DNM1: variants seen among roughly 807,000 people sequenced by gnomAD.
DNM1 encodes dynamin 1.
A neutral mutation model predicts 104.6 loss-of-function variants in DNM1; 29 were observed. That is an observed-to-expected ratio of 0.28 (90% CI 0.21 to 0.38). The LOEUF is 0.38. Among genes scored for constraint, DNM1 ranks in the 10% least tolerant of loss-of-function variants. DNM1 has a pLI of 1.00. For missense variants in DNM1, 640 were observed against 1,189.4 expected (o/e 0.54, Z 6.79); for synonymous variants, 445 against 475.8 (o/e 0.94, Z 0.84).
At chr9:128,212,191 C>T (rs530748494) in intron 1 of DNM1, among the ~76,000 whole-genome samples, 2 of 152,334 alleles carry the variant, frequency 1.3e-5, no homozygotes, top group East Asian at 3.9e-4. Flanking sequence ...ATTCCCTCAG[C>T]AGCCCTAGGA....
rs111939867 is a variant in DNM1 at position 128,213,402 on chromosome 9, T to C, written c.162-4829T>C. On this transcript the variant is annotated intron_variant, in intron 1 of 21. Transcript: ENST00000372923. The stretch of plus-strand genomic sequence containing the variant: ...TTGTCATTTTCTGAATCTTTTAAAA[T>C]GGAGAACACATGATTTTAAAAATTA... 1.9e-3 allele frequency among the ~76,000 whole-genome samples: 277 copies of C among 146,092 alleles called. 1 individual carries two copies. The highest frequency in any genetic ancestry group is 6.7e-3 in the African/African-American group (264 of 39,210).
In DNM1 at chr9:128,248,508, G is replaced by A. The variant is rs1829307185; in HGVS notation, c.1906-75G>A. 2.6e-6 allele frequency: 4 copies of A among 1,555,502 alleles called. No homozygotes were observed. In the South Asian group the frequency reaches 3.5e-5, roughly 14 times the overall value. ...TCAATATTCTGGGTACCCTTGGAGG[G>A]GCTGAGATCCTGGGGATGCCTGGAG... On this transcript the variant is annotated intron_variant, in intron 18 of 21. Transcript: ENST00000372923. The surrounding 1 kb of genome is among the most constrained non-coding windows in gnomAD (Gnocchi z 5.6).
Position 128,233,814 on chromosome 9 carries a change from C to T in DNM1, c.1336-207C>T, listed in dbSNP as rs1207548775. The T allele has an allele frequency of 1.4e-5, 8 of 586,874 alleles. No homozygotes were observed. In the Admixed American group the frequency reaches 1.8e-4, roughly 13 times the overall value. 36.4% of individuals were successfully genotyped at this position (586,874 alleles called of 1,614,324 possible). A position where few individuals can be genotyped will look rare whatever the true frequency, so the allele number is the denominator to read the frequency against. On this transcript the variant is annotated intron_variant, in intron 10 of 21. Coordinates refer to ENST00000372923, the MANE Select transcript of DNM1 (RefSeq NM_004408.4). ...CGGAACCAGGAAGACCCTTGAATCA[C>T]CATTTGGAACCCACACTTGGGGGAA...
At chr9:128,212,383 G>A (rs903064157) in intron 1 of DNM1, among the ~76,000 whole-genome samples, 2 of 152,190 alleles carry the variant, frequency 1.3e-5, no homozygotes, top group African/African-American at 4.8e-5. Flanking sequence ...ATTGAGGTGG[G>A]AGGACTGCTT....
At chr9:128,223,172 G>A (rs1004365121) in intron 9 of DNM1, 18 of 392,606 alleles carry the variant, frequency 4.6e-5, no homozygotes, top group Non-Finnish European at 7.6e-5. Flanking sequence ...CCAGGTAACC[G>A]GACAAAGATG....
At position 128,218,379 on chromosome 9, in the gene DNM1, CT is replaced by C. The variant is rs1407437470; in HGVS notation, c.235+76del. ...CCCCGTCCCCAAGCTGAGGGCCAGC[CT>C]GGCCACGAACTTGCTTGCTGTGTGA... On this transcript the variant is annotated intron_variant, in intron 2 of 21. Transcript: ENST00000372923. This position sits in a 1 kb window ranked among gnomAD's most constrained non-coding sequence, Gnocchi z 4.8. The C allele has an allele frequency of 1.9e-6, 3 of 1,550,004 alleles. No homozygotes were observed. Among genetic ancestry groups the C allele is most frequent in the Non-Finnish European group, 1.8e-6 (2 of 1,121,954 alleles).
intron 1 of DNM1, among the ~76,000 whole-genome samples, chr9:128,205,694 G>A (rs990542340): frequency 1.3e-5 from 2 of 152,190 alleles, no homozygotes; most frequent in Non-Finnish European, 2.9e-5. Flanking sequence ...CGAGTTCATG[G>A]GTGGAAAGGT....
In DNM1 at chr9:128,254,569, C is replaced by A; in HGVS notation, c.2535-85C>A. The A allele has an allele frequency of 6.3e-7, 1 of 1,587,268 alleles. No homozygotes were observed. The highest frequency in any genetic ancestry group is 1.7e-5 in the Admixed American group (1 of 59,222). On this transcript the variant is annotated intron_variant, in intron 21 of 21. Transcript: ENST00000372923. This position sits in a 1 kb window ranked among gnomAD's most constrained non-coding sequence, Gnocchi z 6.1. ...CCCACCACTGCTGCGGCGCGGCCGG[C>A]CCCGGCCGTGTGCTGCGCTTGCCTT...
In DNM1 at chr9:128,239,785, T is replaced by C. The variant is rs368249222; in HGVS notation, c.1545+6T>C. ...AGAAGACTTCAGGGAACCAGGTGAGTGGGGCCCAGCACCCCAGCCCGAGGG... is the reference window on the plus strand; with the variant it reads ...AGAAGACTTCAGGGAACCAGGTGAGCGGGGCCCAGCACCCCAGCCCGAGGG... On this transcript the variant is annotated splice_donor_region_variant and intron_variant, in intron 13 of 21. Coordinates refer to ENST00000372923, the MANE Select transcript of DNM1 (RefSeq NM_004408.4). The C allele has an allele frequency of 8.1e-6, 13 of 1,612,620 alleles. No individual in the cohort carries two copies. Among genetic ancestry groups the C allele is most frequent in the Non-Finnish European group, 1.1e-5 (13 of 1,179,366 alleles).
intron 6 of DNM1, among the ~76,000 whole-genome samples, chr9:128,221,527 C>T (rs543625442): frequency 2.6e-5 from 4 of 152,306 alleles, no homozygotes; most frequent in East Asian, 1.9e-4. Context: ...TTGAGAATGA[C>T]CTTAAAGGAG....
At position 128,218,840 on chromosome 9, in the gene DNM1, G is replaced by A. The variant is rs1834771007; in HGVS notation, c.385+109G>A. The stretch of plus-strand genomic sequence containing the variant: ...CCGCCCCTAGAATGACCCTGCCTCT[G>A]CATCATCCTATTCCAAGCTCCACCC... On this transcript the variant is annotated intron_variant, in intron 3 of 21. Transcript: ENST00000372923. This position sits in a 1 kb window ranked among gnomAD's most constrained non-coding sequence, Gnocchi z 4.8. 6.4e-6 allele frequency: 9 copies of A among 1,407,432 alleles called. No homozygotes were observed. The highest frequency in any genetic ancestry group is 8.5e-6 in the Non-Finnish European group (9 of 1,054,968). The allele number at this position is 1,407,432 out of a possible 1,614,324, so 87.2% of individuals were successfully genotyped here. A position where few individuals can be genotyped will look rare whatever the true frequency, so the allele number is the denominator to read the frequency against.
Position 128,220,052 on chromosome 9 carries a change from T to G in DNM1, c.654T>G (p.Asp218Glu). 1.2e-6 allele frequency: 2 copies of G among 1,611,340 alleles called. No individual in the cohort carries two copies. Among genetic ancestry groups the G allele is most frequent in the Non-Finnish European group, 8.5e-7 (1 of 1,178,600 alleles). Residue 218 changes from aspartate (D) to glutamate (E), a missense_variant, in exon 5 of 22, where the codon GAT (aspartate) becomes GAG (glutamate). This residue lies in a region of DNM1 where 172 missense variants were observed against 335.3 expected (regional missense o/e 0.51). Coordinates refer to ENST00000372923, the MANE Select transcript of DNM1 (RefSeq NM_004408.4). This position sits in a 1 kb window ranked among gnomAD's most constrained non-coding sequence, Gnocchi z 5.2. ...TGGACGAGGGCACAGATGCCCGTGA[T>G]GTGCTGGAGAACAAGCTGCTCCCCC... ...DLMDEGTDAR[D>E]VLENKLLPLR...
intron 21 of DNM1, chr9:128,251,331 C>T (rs1210349869): frequency 2.6e-6 from 1 of 379,020 alleles, no homozygotes; most frequent in Non-Finnish European, 5.2e-6. Context: ...CCTGGGGAGC[C>T]TACCTTAGGT....
chr9:128,212,509 G>A (rs1015181221), intron 1 of DNM1, among the ~76,000 whole-genome samples: 1 of 152,104 alleles, frequency 6.6e-6, no homozygotes, highest in African/African-American at 2.4e-5. Flanking sequence ...AAGGAAGGAA[G>A]GAAAGAAGGA....
chr9:128,253,238 C>A lies in DNM1; in HGVS notation c.2535-1416C>A. The stretch of plus-strand genomic sequence containing the variant: ...CCTGGGACCTCAGAGCCAGGCTCCC[C>A]GCCCCTCCCTTCTGCAGCTGCAGAC... On this transcript the variant is annotated intron_variant, in intron 21 of 21. Transcript: ENST00000372923. This position sits in a 1 kb window ranked among gnomAD's most constrained non-coding sequence, Gnocchi z 5.9. 1.8e-6 allele frequency: 2 copies of A among 1,119,892 alleles called. No individual in the cohort carries two copies. Among genetic ancestry groups the A allele is most frequent in the South Asian group, 1.3e-5 (1 of 77,538 alleles). 69.4% of individuals were successfully genotyped at this position (1,119,892 alleles called of 1,614,324 possible). A position where few individuals can be genotyped will look rare whatever the true frequency, so the allele number is the denominator to read the frequency against.
chr9:128,213,105 A>G (rs1271677606), intron 1 of DNM1, among the ~76,000 whole-genome samples: 1 of 152,188 alleles, frequency 6.6e-6, no homozygotes, highest in Non-Finnish European at 1.5e-5. Context: ...TGTTTGAGAT[A>G]GAGTCTCACT....
intron 15 of DNM1, 56 bp downstream of exon 15, chr9:128,242,401 C>T: frequency 2.0e-6 from 2 of 991,732 alleles, no homozygotes; most frequent in South Asian, 1.3e-5. Context: ...GAGTCAGGCT[C>T]AGACCCTCCC....
chr9:128,254,460 C>A lies in DNM1; in HGVS notation c.2535-194C>A. ...CTATCTGTGAAGCTACGGCTCCTCCCTCCATCTTCCTCCCCTTTCCCTTCC... is the reference window on the plus strand; with the variant it reads ...CTATCTGTGAAGCTACGGCTCCTCCATCCATCTTCCTCCCCTTTCCCTTCC... On this transcript the variant is annotated intron_variant, in intron 21 of 21. Transcript: ENST00000372923. The surrounding 1 kb of genome is among the most constrained non-coding windows in gnomAD (Gnocchi z 6.1). 1 of 1,487,368 alleles carries A rather than the reference C, an allele frequency of 6.7e-7. No individual in the cohort carries two copies. Among genetic ancestry groups the A allele is most frequent in the Non-Finnish European group, 8.9e-7 (1 of 1,127,150 alleles). The allele number at this position is 1,487,368 out of a possible 1,614,324, so 92.1% of individuals were successfully genotyped here. A position where few individuals can be genotyped will look rare whatever the true frequency, so the allele number is the denominator to read the frequency against.
intron 1 of DNM1, among the ~76,000 whole-genome samples, chr9:128,215,712 T>C (rs922619630): frequency 2.0e-5 from 3 of 152,120 alleles, no homozygotes; most frequent in Non-Finnish European, 4.4e-5. Flanking sequence ...CGTGGGCCTG[T>C]CTGCTCAAGG....
Sources: allele counts gnomAD v4.1 joint callset (sites outside exome capture counted in the v4.1 genomes callset), GRCh38; gene constraint gnomAD v4.1.1; regional missense constraint gnomAD v4.1.1; non-coding constraint Gnocchi (gnomAD v3.1); transcripts MANE v1.5; gene names NCBI Gene and HGNC (gene_info 2026-07-23, HGNC 2026-07-21).